SHTN1: variants seen among roughly 807,000 people sequenced by gnomAD.
SHTN1 encodes the protein shootin 1.
SHTN1 carries 42 observed loss-of-function variants against 83.1 expected under a neutral mutation model. The ratio of observed to expected loss-of-function variants is 0.51; its 90% CI spans 0.39 to 0.65. SHTN1 has a LOEUF of 0.65. Ranked by LOEUF, SHTN1 falls within the 30% of genes least tolerant of loss-of-function variation. The pLI is 0.00. For missense variants in SHTN1, 622 were observed against 737.8 expected (o/e 0.84, Z 1.82); for synonymous variants, 224 against 247.7 (o/e 0.90, Z 0.90).
At chr10:117,070,631 G>C (rs924739744) in intron 1 of SHTN1, among the ~76,000 whole-genome samples, 5 of 151,416 alleles carry the variant, frequency 3.3e-5, no homozygotes, top group African/African-American at 1.2e-4. Flanking sequence ...TTCTTTTTCA[G>C]AGAAGAAGCA....
intron 16 of SHTN1, among the ~76,000 whole-genome samples, chr10:116,897,569 CT>C (rs1052173593): frequency 1.3e-5 from 2 of 152,178 alleles, no homozygotes; most frequent in African/African-American, 4.8e-5. Context: ...AGTATCTTAG[CT>C]TTGGTCCTTG....
At chr10:116,907,764 C>G in intron 14 of SHTN1, 1 of 440,122 alleles carries the variant, frequency 2.3e-6, no homozygotes, top group Middle Eastern at 3.4e-4. Flanking sequence ...GATCAGAGGA[C>G]ATAAGAACCT....
chr10:117,064,281 A>T (rs1473385621), intron 1 of SHTN1, among the ~76,000 whole-genome samples: 2 of 152,220 alleles, frequency 1.3e-5, no homozygotes, highest in East Asian at 3.8e-4. Context: ...TGCAAAGGTT[A>T]CAAGGAACCA....
chr10:117,054,094 G>A (rs945126549), intron 1 of SHTN1, among the ~76,000 whole-genome samples: 12 of 152,132 alleles, frequency 7.9e-5, no homozygotes, highest in African/African-American at 2.9e-4. Flanking sequence ...GAAATACTAA[G>A]CCCCTCACCA....
chr10:117,110,622 A>T (rs1460458742), intron 1 of SHTN1, among the ~76,000 whole-genome samples: 1 of 151,918 alleles, frequency 6.6e-6, no homozygotes, highest in Non-Finnish European at 1.5e-5. Context: ...CGGCCTCCCA[A>T]AGTGCTAGGA....
chr10:117,054,163 T>A (rs1008077908), intron 1 of SHTN1, among the ~76,000 whole-genome samples: 1 of 152,226 alleles, frequency 6.6e-6, no homozygotes, highest in South Asian at 2.1e-4. Context: ...CCTGCCACCA[T>A]GGAAGGGAGG....
At chr10:116,895,724 A>G (rs748168831) in intron 16 of SHTN1, among the ~76,000 whole-genome samples, 7 of 152,180 alleles carry the variant, frequency 4.6e-5, no homozygotes, top group Non-Finnish European at 1.0e-4. Context: ...AACGCAGTAC[A>G]CCATAGTTCA....
intron 1 of SHTN1, among the ~76,000 whole-genome samples, chr10:117,099,066 T>A (rs1853550983): frequency 6.9e-6 from 1 of 145,448 alleles, no homozygotes; most frequent in Admixed American, 6.8e-5. Flanking sequence ...AACAAAATAA[T>A]GTCTTTTGCA....
intron 2 of SHTN1, among the ~76,000 whole-genome samples, chr10:117,021,031 T>C (rs1188768565): frequency 6.6e-6 from 1 of 151,950 alleles, no homozygotes; most frequent in Non-Finnish European, 1.5e-5. Flanking sequence ...ATGGCCAATA[T>C]GCATTGAAAG....
intron 1 of SHTN1, among the ~76,000 whole-genome samples, chr10:116,997,863 C>T (rs917946917): frequency 2.6e-5 from 4 of 152,142 alleles, no homozygotes; most frequent in African/African-American, 7.2e-5. Context: ...GAGGCTGAGG[C>T]GGGTGGATCA....
chr10:116,961,372 A>T (rs1489618584), intron 3 of SHTN1, among the ~76,000 whole-genome samples: 1 of 152,172 alleles, frequency 6.6e-6, no homozygotes, highest in African/African-American at 2.4e-5. Flanking sequence ...GGCCAGAAAC[A>T]TCTCTAACCT....
intron 1 of SHTN1, among the ~76,000 whole-genome samples, chr10:117,051,998 T>TAATATATATATATATATA (rs1852748066): frequency 3.3e-4 from 2 of 5,980 alleles, no homozygotes; most frequent in Non-Finnish European, 1.4e-3. Flanking sequence ...AATGACATAA[T>TAATATATATATATATATA]CATATATATA....
At chr10:116,974,825 TC>T (rs973459859) in intron 2 of SHTN1, among the ~76,000 whole-genome samples, 7 of 150,134 alleles carry the variant, frequency 4.7e-5, no homozygotes, top group East Asian at 2.0e-4. Flanking sequence ...AATGACGCTT[TC>T]CCCCCATATA....
intron 1 of SHTN1, among the ~76,000 whole-genome samples, chr10:116,980,630 G>A (rs7903295): frequency 0.3 from 44,992 of 150,688 alleles, 7,005 homozygotes; most frequent in East Asian, 0.52. Flanking sequence ...GAATAATCTA[G>A]AAACAGAAAT....
chr10:117,009,657 C>T (rs1156331079), upstream of SHTN1, among the ~76,000 whole-genome samples: 1 of 152,106 alleles, frequency 6.6e-6, no homozygotes, highest in Non-Finnish European at 1.5e-5. Context: ...GTAATCCCAG[C>T]ACTTTGGGAG....
intron 1 of SHTN1, among the ~76,000 whole-genome samples, chr10:117,115,387 GA>G (rs942664859): frequency 4.0e-5 from 6 of 150,858 alleles, no homozygotes; most frequent in East Asian, 1.9e-4. Context: ...AGCAGCTAAA[GA>G]AAAAAAAAGG....
chr10:116,983,785 G>T (rs887723001), intron 1 of SHTN1, among the ~76,000 whole-genome samples: 2 of 151,924 alleles, frequency 1.3e-5, no homozygotes, highest in African/African-American at 4.8e-5. Context: ...AGAGCCCCAG[G>T]TAATTCCAAT....
At chr10:116,991,130 G>A (rs1442703056) in intron 1 of SHTN1, among the ~76,000 whole-genome samples, 2 of 151,904 alleles carry the variant, frequency 1.3e-5, no homozygotes, top group African/African-American at 4.8e-5. Context: ...AGCTTGCAGT[G>A]AGCCGAGATT....
At position 117,015,467 on chromosome 10, in the gene SHTN1, G is replaced by T. The variant is rs372189879; in HGVS notation, c.-123+32978C>A. Among the ~76,000 whole-genome samples, 12 of 152,258 alleles carry T rather than the reference G, an allele frequency of 7.9e-5. 1 individual carries two copies. The South Asian group carries it at 2.1e-3, about 26-fold the overall frequency. On this transcript the variant is annotated intron_variant, in intron 2 of 17. Transcript: ENST00000392901. ...CTGCTTCAGCCTCCTGAGTAGCTGG[G>T]ATTACAGGCATGCACCACCACGCCT...
Sources: allele counts gnomAD v4.1 joint callset (sites outside exome capture counted in the v4.1 genomes callset), GRCh38; gene constraint gnomAD v4.1.1; transcripts MANE v1.5; gene names NCBI Gene and HGNC (gene_info 2026-07-23, HGNC 2026-07-21).